The following ASAH1 variants were observed in gnomAD, a reference collection of about 807,000 sequenced individuals.
ASAH1 encodes the protein N-acylsphingosine amidohydrolase 1.
In ASAH1, 70 loss-of-function variants were observed where a neutral mutation model predicts 59.5. That is an observed-to-expected ratio of 1.18 (90% confidence interval 0.97 to 1.43). ASAH1 has a LOEUF of 1.43. Ranked by LOEUF, ASAH1 falls within the 40% of genes most tolerant of loss-of-function variation. The pLI, the probability that ASAH1 is intolerant of heterozygous loss-of-function variation, is 0.00. For missense variants in ASAH1, 660 were observed against 482.5 expected (o/e 1.37, Z -3.45); for synonymous variants, 213 against 166.5 (o/e 1.28, Z -2.15).
At chr8:18,068,928 C>T (rs1800044199) in intron 4 of ASAH1, among the ~76,000 whole-genome samples, 1 of 152,058 alleles carries the variant, frequency 6.6e-6, no homozygotes, top group African/African-American at 2.4e-5. Context: ...CGCCTGAGCC[C>T]AGGAGTTGGG....
rs1245295970 is a variant in ASAH1, at chr8:18,084,089, T to G, written c.-31A>C. 13 of 1,597,560 alleles carry G rather than the reference T, an allele frequency of 8.1e-6. No individual in the cohort carries two copies. The highest frequency in any genetic ancestry group is 1.1e-5 in the Non-Finnish European group (13 of 1,179,428). ...TAGCAGCCAACGCCACTCCCCGGAC[T>G]CCAGCAGAGGCAAAGAAGAGCCGGC... is the stretch of plus-strand genomic sequence containing the variant. On this transcript the variant is annotated 5_prime_UTR_variant, in exon 1 of 14. Transcript: ENST00000637790.
intron 2 of ASAH1, among the ~76,000 whole-genome samples, chr8:18,073,771 C>T (rs1800273222): frequency 6.6e-6 from 1 of 152,092 alleles, no homozygotes. Context: ...ACATAAATAC[C>T]ACAGTTATCT....
At chr8:18,059,157 A>C (rs1217875369) in intron 12 of ASAH1, 184 bp downstream of exon 12, 4 of 907,906 alleles carry the variant, frequency 4.4e-6, no homozygotes, top group Non-Finnish European at 6.6e-6. Flanking sequence ...CCAGAAAAGG[A>C]AAGTACAGCA....
intron 3 of ASAH1, among the ~76,000 whole-genome samples, chr8:18,070,640 ATTC>A (rs1420929043): frequency 1.3e-5 from 2 of 152,210 alleles, no homozygotes; most frequent in Non-Finnish European, 2.9e-5. Context: ...AGTGAATTTG[ATTC>A]TTAATTATTT....
intron 13 of ASAH1, chr8:18,058,228 G>A (rs1003671412): frequency 2.6e-5 from 4 of 153,662 alleles, no homozygotes; most frequent in African/African-American, 9.6e-5. Context: ...GGGTGACCTG[G>A]ATGCTAAAGG....
rs971279979 is a variant in ASAH1, at chr8:18,079,363, T to C, written c.79-3776A>G. On this transcript the variant is annotated intron_variant, in intron 1 of 13. Transcript: ENST00000637790. ...TTCTCTAATTTTTCTGGTTATTTGA[T>C]AGAAACTTAAGCCTCTTTGAATGTC... 2.0e-5 allele frequency among the ~76,000 whole-genome samples: 3 copies of C among 151,640 alleles called. No homozygotes were observed. The East Asian group carries it at 5.8e-4, about 29-fold the overall frequency.
intron 1 of ASAH1, chr8:18,076,398 A>G (rs774898349): frequency 6.6e-6 from 1 of 152,180 alleles, no homozygotes; most frequent in Non-Finnish European, 1.5e-5. Context: ...ACGGCCCCCA[A>G]CACTGACGTC....
rs1411861616 is a variant in ASAH1, at chr8:18,064,465, T to C, written c.449A>G (p.Asp150Gly). ...CCTCAGCGCACAATTACCTTTTTTG[T>C]CTTCTGCTACTATTGAAGTACAAAT... ...FTICTSIVAE[D>G]KKGHLIHGRN... Residue 150 changes from aspartate to glycine, a missense_variant, in exon 6 of 14, where the codon GAC (aspartate) becomes GGC (glycine). Coordinates refer to ENST00000637790, the MANE Select transcript of ASAH1 (RefSeq NM_177924.5). 1 of 1,567,206 alleles carries C rather than the reference T, an allele frequency of 6.4e-7. No individual in the cohort carries two copies. Among genetic ancestry groups the C allele is most frequent in the Non-Finnish European group, 8.8e-7 (1 of 1,138,942 alleles).
intron 1 of ASAH1, among the ~76,000 whole-genome samples, chr8:18,078,324 A>T (rs1331189804): frequency 1.3e-5 from 2 of 152,234 alleles, no homozygotes; most frequent in African/African-American, 4.8e-5. Context: ...AGAGGTAAGA[A>T]CTAAAGAGCA....
chr8:18,073,541 G>A (rs78396287), intron 2 of ASAH1, among the ~76,000 whole-genome samples: 1 of 152,196 alleles, frequency 6.6e-6, no homozygotes, highest in East Asian at 1.9e-4. Flanking sequence ...TAGGCATCCC[G>A]TGAGCAGTGG....
At chr8:18,084,620 C>G, upstream of ASAH1, 1 of 1,608,166 alleles carries the variant, frequency 6.2e-7, no homozygotes, top group Non-Finnish European at 8.5e-7. Context: ...GTTGAGTGGC[C>G]GAGGAGTGAG....
chr8:18,061,228 G>A (rs1276527189), intron 10 of ASAH1, 149 bp downstream of exon 10: 30 of 651,270 alleles, frequency 4.6e-5, no homozygotes, highest in Non-Finnish European at 6.1e-5. Flanking sequence ...AAGAAAACAT[G>A]AGTAATTCCA....
intron 1 of ASAH1, among the ~76,000 whole-genome samples, chr8:18,079,274 GA>G (rs3831581): frequency 9.4e-5 from 11 of 116,868 alleles, no homozygotes; most frequent in South Asian, 2.9e-4. Flanking sequence ...CTCCATCTCA[GA>G]AAAAAAAAAA....
At chr8:18,074,231 T>A (rs1800296452) in intron 2 of ASAH1, among the ~76,000 whole-genome samples, 1 of 152,188 alleles carries the variant, frequency 6.6e-6, no homozygotes, top group South Asian at 2.1e-4. Context: ...AAGGCCAGAA[T>A]GATGCCAGTG....
At chr8:18,063,134 C>T in intron 7 of ASAH1, 51 bp downstream of exon 7, 5 of 1,574,984 alleles carry the variant, frequency 3.2e-6, no homozygotes, top group Non-Finnish European at 3.5e-6. Flanking sequence ...TCCCAAAAAG[C>T]TGGGATTACA....
In ASAH1 at chr8:18,071,244, G is replaced by GAAATA. The variant is rs35875004; in HGVS notation, c.216+51_216+55dup. 396,895 of 838,738 alleles carry GAAATA rather than the reference G, an allele frequency of 0.47. 98,598 individuals are homozygous for GAAATA. The highest frequency in any genetic ancestry group is 0.51 in the Non-Finnish European group (318,019 of 623,460). The allele number at this position is 838,738 out of a possible 1,614,324, so 52.0% of individuals were successfully genotyped here. On this transcript the variant is annotated intron_variant, in intron 3 of 13. Transcript: ENST00000637790. ...AAATCAATCAATAAATAAAAATAAAGAAATAAAATAAAAAATAAAAATAAA... is the reference window on the plus strand; with the variant it reads ...AAATCAATCAATAAATAAAAATAAAGAAATAAAATAAAATAAAAAATAAAAATAAA...
At chr8:18,067,142 TA>T in intron 5 of ASAH1, 77 bp downstream of exon 5, 1 of 1,180,934 alleles carries the variant, frequency 8.5e-7, no homozygotes, top group South Asian at 1.5e-5. Flanking sequence ...ACCTGTGCTG[TA>T]TGTATATCAC....
chr8:18,075,001 C>CTTTTTTTTTTTTTTTTTTTTTTTTTTTT (rs769278694), intron 2 of ASAH1, among the ~76,000 whole-genome samples: 1 of 148,468 alleles, frequency 6.7e-6, no homozygotes, highest in African/African-American at 2.5e-5. Context: ...AAAATCCTTT[C>CTTTTTTTTTTTTTTTTTTTTTTTTTTTT]CTTTTTTTTT....
intron 1 of ASAH1, among the ~76,000 whole-genome samples, chr8:18,081,739 T>G (rs745321100): frequency 6.6e-6 from 1 of 152,248 alleles, no homozygotes; most frequent in African/African-American, 2.4e-5. Context: ...TTATTCATAT[T>G]TATTGAAAGT....
Sources: gnomAD v4.1 joint callset for allele counts (sites outside exome capture counted in the v4.1 genomes callset) on GRCh38, gnomAD v4.1.1 for gene constraint, MANE v1.5 for transcripts, NCBI Gene and HGNC (gene_info 2026-07-23, HGNC 2026-07-21) for gene names.